Variants in NPTN observed in about 807,000 individuals in gnomAD.
The protein encoded by NPTN is SDR-1.
In NPTN, 5 loss-of-function variants were observed where a neutral mutation model predicts 42.7. The observed-to-expected ratio is 0.12, with a 90% CI of 0.06 to 0.25. NPTN has a LOEUF of 0.25. NPTN is among the 10% of genes least tolerant of loss of function. NPTN has a pLI of 1.00. For synonymous variants in NPTN, 180 were observed against 201.9 expected (o/e 0.89, Z 0.92); for missense variants, 307 against 525.4 (o/e 0.58, Z 4.06).
At position 73,570,803 on chromosome 15, in the gene NPTN, C is replaced by CA. The variant is rs1287353285; in HGVS notation, c.841-381dup. On this transcript the variant is annotated intron_variant, in intron 5 of 8. Coordinates refer to ENST00000345330, the MANE Select transcript of NPTN (RefSeq NM_012428.4). This position sits in a 1 kb window ranked among gnomAD's most constrained non-coding sequence, Gnocchi z 4.0. The stretch of plus-strand genomic sequence containing the variant: ...ACAGTCAGGCATGCCTCGGGGACCT[C>CA]AGGCCTCTCTGATGACCTCAGAGTC... 1.3e-5 allele frequency among the ~76,000 whole-genome samples: 2 copies of CA among 152,202 alleles called. No individual in the cohort carries two copies. The highest frequency in any genetic ancestry group is 2.9e-5 in the Non-Finnish European group (2 of 68,026).
intron 1 of NPTN, among the ~76,000 whole-genome samples, chr15:73,601,585 A>C (rs916354134): frequency 1.3e-5 from 2 of 152,314 alleles, no homozygotes; most frequent in Admixed American, 1.3e-4. Flanking sequence ...CACACTGCCT[A>C]AAGTTGGGAG....
At chr15:73,624,859 A>G (rs962533705) in intron 1 of NPTN, among the ~76,000 whole-genome samples, 1 of 152,210 alleles carries the variant, frequency 6.6e-6, no homozygotes, top group South Asian at 2.1e-4. Flanking sequence ...AGGAAGGTCA[A>G]CTGAATATAC....
chr15:73,602,719 AATGGGGT>A (rs1897130657), intron 1 of NPTN, among the ~76,000 whole-genome samples: 1 of 152,212 alleles, frequency 6.6e-6, no homozygotes, highest in Non-Finnish European at 1.5e-5. Context: ...GAGCAGAGGA[AATGGGGT>A]AACCTCATTC....
chr15:73,613,609 G>A (rs1300968587), intron 1 of NPTN, among the ~76,000 whole-genome samples: 1 of 152,078 alleles, frequency 6.6e-6, no homozygotes, highest in Non-Finnish European at 1.5e-5. Flanking sequence ...TAGCAATGAT[G>A]CTCTAGAATT....
chr15:73,605,189 C>T (rs1021526817), intron 1 of NPTN, among the ~76,000 whole-genome samples: 3 of 151,184 alleles, frequency 2.0e-5, no homozygotes, highest in Admixed American at 1.3e-4. Flanking sequence ...GGGGGCAGGG[C>T]TCACACACAT....
At chr15:73,624,946 C>A (rs60419012) in intron 1 of NPTN, among the ~76,000 whole-genome samples, 16,480 of 152,114 alleles carry the variant, frequency 0.11, 1,155 homozygotes, top group African/African-American at 0.2. Flanking sequence ...GAAAAAAAAT[C>A]GCTATATATA....
At chr15:73,580,390 AATATATATATTATATATATAAT>A (rs1566965440) in intron 4 of NPTN, among the ~76,000 whole-genome samples, 2 of 132,014 alleles carry the variant, frequency 1.5e-5, no homozygotes, top group East Asian at 2.0e-4. Context: ...AAAACTTTAA[AATATATATATTATATATATAAT>A]ATATATATAA....
chr15:73,625,742 A>C (rs1595974766), intron 1 of NPTN, among the ~76,000 whole-genome samples: 1 of 152,200 alleles, frequency 6.6e-6, no homozygotes, highest in East Asian at 1.9e-4. Flanking sequence ...AGAAAATTCT[A>C]GTTTGCAATG....
chr15:73,564,459 G>C (rs926061183), intron 6 of NPTN, among the ~76,000 whole-genome samples: 2 of 152,164 alleles, frequency 1.3e-5, no homozygotes, highest in Non-Finnish European at 2.9e-5. Context: ...AGCACACACA[G>C]TGACTGGAGC....
intron 1 of NPTN, among the ~76,000 whole-genome samples, chr15:73,605,500 G>A (rs940108580): frequency 6.6e-6 from 1 of 151,670 alleles, no homozygotes; most frequent in Non-Finnish European, 1.5e-5. Context: ...AGGCCGAGGC[G>A]GGCAGATCAC....
intron 1 of NPTN, among the ~76,000 whole-genome samples, chr15:73,628,980 C>T (rs890128461): frequency 6.6e-6 from 1 of 152,192 alleles, no homozygotes; most frequent in Non-Finnish European, 1.5e-5. Flanking sequence ...AACCTCACAT[C>T]TAAGGGGTTT....
chr15:73,609,507 T>C (rs1304419316), intron 1 of NPTN, among the ~76,000 whole-genome samples: 2 of 152,122 alleles, frequency 1.3e-5, no homozygotes, highest in Non-Finnish European at 2.9e-5. Context: ...GGTGGGGGCC[T>C]GTAATCCCAG....
chr15:73,579,305 A>C (rs1003980504), intron 4 of NPTN, among the ~76,000 whole-genome samples: 21 of 152,060 alleles, frequency 1.4e-4, no homozygotes, highest in Admixed American at 1.4e-3. Flanking sequence ...TCCAAGTAAA[A>C]ATATCAAGTA....
At position 73,573,507 on chromosome 15, in the gene NPTN, C is replaced by T. The variant is rs1027120954; in HGVS notation, c.840+155G>A. On this transcript the variant is annotated intron_variant, in intron 5 of 8. Transcript: ENST00000345330. ...TTGTGCTGGAAGAGACTGTCAATGA[C>T]CTCTTGATTCATGCTGTAAACCGTG... 2.0e-5 allele frequency among the ~76,000 whole-genome samples: 3 copies of T among 152,186 alleles called. No homozygotes were observed. The South Asian group carries it at 6.2e-4, about 32-fold the overall frequency.
At chr15:73,588,133 G>C (rs1421016128) in intron 3 of NPTN, among the ~76,000 whole-genome samples, 1 of 152,058 alleles carries the variant, frequency 6.6e-6, no homozygotes, top group East Asian at 1.9e-4. Flanking sequence ...CCAGCTACTC[G>C]GGAGGCTGAG....
At chr15:73,595,471 AC>A (rs1474532633) in intron 2 of NPTN, among the ~76,000 whole-genome samples, 1 of 152,262 alleles carries the variant, frequency 6.6e-6, no homozygotes, top group Non-Finnish European at 1.5e-5. Context: ...CCACTGCCCT[AC>A]AAAGGACTCT....
intron 1 of NPTN, among the ~76,000 whole-genome samples, chr15:73,625,239 G>A (rs1385368610): frequency 6.6e-6 from 1 of 152,074 alleles, no homozygotes; most frequent in Non-Finnish European, 1.5e-5. Flanking sequence ...TTAATAATAG[G>A]TAATGTTTCA....
At chr15:73,613,978 G>A (rs1167581242) in intron 1 of NPTN, among the ~76,000 whole-genome samples, 3 of 152,068 alleles carry the variant, frequency 2.0e-5, no homozygotes, top group African/African-American at 7.2e-5. Context: ...GAGCCACCGT[G>A]CCTGGCCTGG....
At chr15:73,593,772 C>T (rs1046120751) in intron 2 of NPTN, among the ~76,000 whole-genome samples, 3 of 152,176 alleles carry the variant, frequency 2.0e-5, no homozygotes, top group African/African-American at 7.2e-5. Context: ...AAAAGGATAA[C>T]GGTTATCTTC....
Sources: gnomAD v4.1 joint callset for allele counts (sites outside exome capture counted in the v4.1 genomes callset) on GRCh38, gnomAD v4.1.1 for gene constraint, Gnocchi (gnomAD v3.1) non-coding constraint, MANE v1.5 for transcripts, NCBI Gene and HGNC (gene_info 2026-07-23, HGNC 2026-07-21) for gene names.